The following COL5A2 variants were observed in gnomAD, a reference collection of about 807,000 sequenced individuals.
COL5A2 encodes collagen type V alpha 2 chain.
COL5A2 carries 23 observed loss-of-function variants against 208.2 expected under a neutral mutation model. The ratio of observed to expected loss-of-function variants is 0.11; its 90% CI spans 0.08 to 0.16. The LOEUF is 0.16. Ranked by LOEUF, COL5A2 falls within the 10% of genes least tolerant of loss-of-function variation. The pLI is 1.00. For synonymous variants in COL5A2, 625 were observed against 628.5 expected (o/e 0.99, Z 0.08); for missense variants, 1,590 against 1,956.4 (o/e 0.81, Z 3.53).
the COL5A2 span, among the ~76,000 whole-genome samples, chr2:189,373,573 C>T: frequency 5.9e-5 from 9 of 152,170 alleles, no homozygotes; most frequent in African/African-American, 4.8e-5. Context: ...TAGGTTCCTA[C>T]TAGGTAAAGT....
rs151308897 is a variant in COL5A2, at chr2:189,225,202, TG to T, written c.-97del. ...GTCTTCCTAGAGAATCAGAAGCAGGTGGTTTTGTGGTACGAGAGATAGCAGC... is the reference window on the plus strand; with the variant it reads ...GTCTTCCTAGAGAATCAGAAGCAGGTGTTTTGTGGTACGAGAGATAGCAGC... On this transcript the variant is annotated 5_prime_UTR_variant, in exon 1 of 11. Coordinates refer to the COL5A2 transcript ENST00000649966. Among the ~76,000 whole-genome samples the T allele has an allele frequency of 9.5e-3, 1,451 of 152,226 alleles. 27 individuals carry two copies. The highest frequency in any genetic ancestry group is 0.032 in the African/African-American group (1,342 of 41,546).
the COL5A2 span, among the ~76,000 whole-genome samples, chr2:189,361,373 CT>C: frequency 6.6e-6 from 1 of 151,988 alleles, no homozygotes; most frequent in Admixed American, 6.6e-5. Flanking sequence ...CCTTCTTTGT[CT>C]TTTTTATCAT....
chr2:189,170,314 T>C (rs1048097437), intron 1 of COL5A2, among the ~76,000 whole-genome samples: 9 of 152,202 alleles, frequency 5.9e-5, no homozygotes, highest in East Asian at 3.8e-4. Flanking sequence ...TAGTACTCAA[T>C]TGGCATTTAT....
the COL5A2 span, among the ~76,000 whole-genome samples, chr2:189,356,066 G>T: frequency 1.3e-5 from 2 of 152,258 alleles, no homozygotes; most frequent in Admixed American, 6.5e-5. Context: ...GAAATCCTGG[G>T]TTGAAAATTC....
chr2:189,332,724 T>C, the COL5A2 span, among the ~76,000 whole-genome samples: 2 of 152,170 alleles, frequency 1.3e-5, no homozygotes, highest in East Asian at 1.9e-4. Context: ...CCCTTTTTCC[T>C]GTATAAATTA....
At position 189,060,803 on chromosome 2, in the gene COL5A2, A is replaced by G. The variant is rs541152175; in HGVS notation, c.2032-20T>C. ...AAGCCCCTAAAACAAAAGTAAGAAAATAAAATTGTGAATCTGTGTAAGTTT... is the reference window on the plus strand; with the variant it reads ...AAGCCCCTAAAACAAAAGTAAGAAAGTAAAATTGTGAATCTGTGTAAGTTT... On this transcript the variant is annotated intron_variant, in intron 30 of 53. Transcript: ENST00000374866. The G allele has an allele frequency of 1.2e-6, 2 of 1,607,826 alleles. No individual in the cohort carries two copies. Among genetic ancestry groups the G allele is most frequent in the South Asian group, 2.2e-5 (2 of 90,918 alleles).
the COL5A2 span, among the ~76,000 whole-genome samples, chr2:189,293,987 C>G: frequency 6.6e-6 from 1 of 151,112 alleles, no homozygotes; most frequent in Non-Finnish European, 1.5e-5. Context: ...ACTGGTGAGG[C>G]TGAAGCAGGA....
At chr2:189,325,971 C>T in the COL5A2 span, among the ~76,000 whole-genome samples, 1 of 151,924 alleles carries the variant, frequency 6.6e-6, no homozygotes, top group Non-Finnish European at 1.5e-5. Flanking sequence ...GTGGCACACG[C>T]CTGTAATCCC....
At chr2:189,417,439 C>CT in the COL5A2 span, among the ~76,000 whole-genome samples, 126,729 of 150,212 alleles carry the variant, frequency 0.84, 54,775 homozygotes, top group Non-Finnish European at 0.95. Flanking sequence ...CCTTACTATT[C>CT]TTTTTTTTTC....
chr2:189,239,388 C>T, the COL5A2 span, among the ~76,000 whole-genome samples: 1 of 151,832 alleles, frequency 6.6e-6, no homozygotes, highest in Non-Finnish European at 1.5e-5. Context: ...TCCAAGTGTG[C>T]CCAGTGTAAT....
intron 34 of COL5A2, 51 bp from the exon 35 acceptor site, chr2:189,057,077 C>T: frequency 6.4e-7 from 1 of 1,574,564 alleles, no homozygotes; most frequent in Non-Finnish European, 8.7e-7. Flanking sequence ...CTCTTTCCCA[C>T]ACTTGTGTGT....
the COL5A2 span, among the ~76,000 whole-genome samples, chr2:189,237,137 G>T: frequency 1.3e-5 from 2 of 151,542 alleles, no homozygotes; most frequent in Non-Finnish European, 2.9e-5. Flanking sequence ...TGATCTAGAG[G>T]TTTACTGTTT....
At chr2:189,105,928 C>A (rs56408385) in intron 2 of COL5A2, among the ~76,000 whole-genome samples, 19,862 of 151,356 alleles carry the variant, frequency 0.13, 1,334 homozygotes, top group Middle Eastern at 0.19. Flanking sequence ...TCCACTGCTA[C>A]GATGCCATCT....
chr2:189,393,840 A>G, the COL5A2 span, among the ~76,000 whole-genome samples: 1 of 152,226 alleles, frequency 6.6e-6, no homozygotes. Context: ...GTAGCAAAAC[A>G]TAGTAATGTC....
chr2:189,131,524 T>C (rs866397006), intron 1 of COL5A2, among the ~76,000 whole-genome samples: 1 of 152,184 alleles, frequency 6.6e-6, no homozygotes, highest in Non-Finnish European at 1.5e-5. Context: ...GGATATGTTA[T>C]TGGACAAAAA....
At chr2:189,304,835 T>C in the COL5A2 span, among the ~76,000 whole-genome samples, 1 of 152,350 alleles carries the variant, frequency 6.6e-6, no homozygotes, top group Non-Finnish European at 1.5e-5. Flanking sequence ...ATCACTTTCT[T>C]CTCAGTGAAA....
rs140095713 is a variant in COL5A2 at position 189,222,715 on chromosome 2, C to T, written c.-42+2433G>A. ...CCCGGCCATTGGACTTTGGCCAAGG[C>T]AAACCTGCCTGCTTTCCTCCTCAGA... On this transcript the variant is annotated intron_variant, in intron 1 of 10. Transcript: ENST00000649966. Among the ~76,000 whole-genome samples, 1,404 of 152,292 alleles carry T rather than the reference C, an allele frequency of 9.2e-3. 19 individuals are homozygous for T. Among genetic ancestry groups the T allele is most frequent in the South Asian group, 0.027 (132 of 4,832 alleles).
chr2:189,146,667 A>G (rs556496338), intron 1 of COL5A2, among the ~76,000 whole-genome samples: 4 of 152,280 alleles, frequency 2.6e-5, no homozygotes, highest in Admixed American at 2.0e-4. Context: ...AGTAAAAAGA[A>G]ATAGTTTAAA....
the COL5A2 span, among the ~76,000 whole-genome samples, chr2:189,394,459 C>A: frequency 1.3e-5 from 2 of 152,112 alleles, no homozygotes; most frequent in Non-Finnish European, 2.9e-5. Context: ...GGGATTAGCG[C>A]CCATCTAAGA....
Sources: gnomAD v4.1 joint callset for allele counts (sites outside exome capture counted in the v4.1 genomes callset) on GRCh38, gnomAD v4.1.1 for gene constraint, MANE v1.5 for transcripts, NCBI Gene and HGNC (gene_info 2026-07-23, HGNC 2026-07-21) for gene names.